Variants in ANKRD27 observed in about 807,000 individuals in gnomAD.
The protein encoded by ANKRD27 is ankyrin repeat domain 27, also known as ankyrin repeat domain-containing protein 27.
In ANKRD27, 112 loss-of-function variants were observed where a neutral mutation model predicts 129.7. The ratio of observed to expected loss-of-function variants is 0.86; its 90% CI spans 0.74 to 1.01. The LOEUF is 1.01. Ranked by LOEUF, ANKRD27 falls within the 50% of genes least tolerant of loss-of-function variation. The pLI, the probability that ANKRD27 is intolerant of heterozygous loss-of-function variation, is 0.00. For synonymous variants in ANKRD27, 516 were observed against 511.2 expected (o/e 1.01, Z -0.13); for missense variants, 1,258 against 1,300.5 (o/e 0.97, Z 0.50).
chr19:32,606,055 AAAAC>A (rs1163375938), intron 23 of ANKRD27, 101 bp from the exon 24 acceptor site: 1 of 1,078,870 alleles, frequency 9.3e-7, no homozygotes, highest in African/African-American at 1.8e-5. Context: ...ATAAAATAAG[AAAAC>A]AAAGTTTCTG....
At chr19:32,655,303 CCTGG>C (rs1967497982) in intron 2 of ANKRD27, 1 of 152,610 alleles carries the variant, frequency 6.6e-6, no homozygotes, top group African/African-American at 2.4e-5. Flanking sequence ...CACCAACATG[CCTGG>C]CAACCTCACT....
chr19:32,607,071 G>C (rs1451627444), intron 23 of ANKRD27, among the ~76,000 whole-genome samples: 1 of 148,384 alleles, frequency 6.7e-6, no homozygotes, highest in East Asian at 2.0e-4. Context: ...GGAGATTGAG[G>C]CTGCAGTGTG....
intron 1 of ANKRD27, among the ~76,000 whole-genome samples, chr19:32,660,513 G>C (rs62124332): frequency 6.6e-6 from 1 of 151,952 alleles, no homozygotes; most frequent in East Asian, 1.9e-4. Context: ...GCGAGACTCC[G>C]TTTCAAAAAA....
At chr19:32,645,100 A>G (rs1384013005) in intron 4 of ANKRD27, among the ~76,000 whole-genome samples, 1 of 152,158 alleles carries the variant, frequency 6.6e-6, no homozygotes, top group Non-Finnish European at 1.5e-5. Context: ...ATTTTCCATG[A>G]TGTTTAACCT....
rs1045189209 is a variant in ANKRD27, at chr19:32,644,354, A to G, written c.496T>C (p.Cys166Arg). ...TGGTGACGGAGGCTCTTTCTCTCGC[A>G]TTCTCGGAATGTTCGATGGAAAGAG... ...IASFHRTFRE[C>R]ERKSLRHHID... Residue 166 changes from cysteine to arginine, a missense_variant, in exon 5 of 29, where the codon TGC (cysteine) becomes CGC (arginine). Transcript: ENST00000306065. The G allele has an allele frequency of 3.7e-6, 6 of 1,613,532 alleles. No homozygotes were observed. In the African/African-American group the frequency reaches 4.0e-5, roughly 11 times the overall value.
chr19:32,624,755 AC>A (rs970085045), intron 17 of ANKRD27, among the ~76,000 whole-genome samples: 12 of 152,256 alleles, frequency 7.9e-5, no homozygotes, highest in Non-Finnish European at 1.6e-4. Flanking sequence ...AGCCTGGGCA[AC>A]ATGGCGAAAC....
Position 32,607,648 on chromosome 19 carries a change from T to C in ANKRD27, c.2360A>G (p.Gln787Arg), listed in dbSNP as rs1971764409. The C allele has an allele frequency of 4.3e-6, 7 of 1,611,340 alleles. No individual in the cohort carries two copies. The highest frequency in any genetic ancestry group is 5.9e-6 in the Non-Finnish European group (7 of 1,179,582). ...QAVPLHLACQQGHFQVVKCLL... is the reference protein window; with the variant it reads ...QAVPLHLACQRGHFQVVKCLL... ...CACAGCCCGAACCTGAAAGTGGCCC[T>C]GCTGGCAGGCCAGGTGGAGCGGGAC... is the stretch of plus-strand genomic sequence containing the variant. The change falls in exon 23 of 29, where the codon CAG (glutamine) becomes CGG (arginine). Residue 787 changes from glutamine (Q) to arginine (R), a missense_variant. Physicochemically the swap from Gln to Arg is conservative, Grantham distance 43. Transcript: ENST00000306065.
At chr19:32,604,005 G>C (rs868618862) in intron 25 of ANKRD27, among the ~76,000 whole-genome samples, 35 of 99,006 alleles carry the variant, frequency 3.5e-4, no homozygotes, top group Admixed American at 2.0e-3. Context: ...TGCTAGCTGA[G>C]GGGGGGGCCC....
intron 1 of ANKRD27, among the ~76,000 whole-genome samples, chr19:32,661,247 A>C (rs430557): frequency 0.41 from 16,672 of 40,534 alleles, 2,784 homozygotes; most frequent in African/African-American, 0.53. Context: ...ACACACACAC[A>C]CACATATACT....
In ANKRD27 at chr19:32,598,387, A is replaced by G; in HGVS notation, c.2920-9T>C. The G allele has an allele frequency of 3.1e-6, 5 of 1,613,956 alleles. No homozygotes were observed. Among genetic ancestry groups the G allele is most frequent in the Non-Finnish European group, 4.2e-6 (5 of 1,179,842 alleles). ...ACACTTTGCCTCCCTGGCTAAAGAA[A>G]AAGTACATTTTTAACCGTTGACGTC... On this transcript the variant is annotated splice_polypyrimidine_tract_variant and intron_variant, in intron 28 of 28. Coordinates refer to ENST00000306065, the MANE Select transcript of ANKRD27 (RefSeq NM_032139.3).
At chr19:32,656,302 T>C (rs1967535806) in intron 2 of ANKRD27, among the ~76,000 whole-genome samples, 2 of 152,054 alleles carry the variant, frequency 1.3e-5, no homozygotes, top group Non-Finnish European at 2.9e-5. Flanking sequence ...TAGACAGTAG[T>C]TTAAAATATC....
intron 9 of ANKRD27, 180 bp downstream of exon 9, chr19:32,642,941 GGC>G: frequency 1.6e-6 from 1 of 628,564 alleles, no homozygotes; most frequent in Non-Finnish European, 2.8e-6. Context: ...GGAGGGGGAC[GGC>G]CACACACAGT....
intron 12 of ANKRD27, among the ~76,000 whole-genome samples, chr19:32,634,962 G>A (rs1051634698): frequency 2.4e-4 from 37 of 152,106 alleles, no homozygotes; most frequent in African/African-American, 8.0e-4. Flanking sequence ...ACACCAGCAC[G>A]AGAGAAGGAA....
chr19:32,598,356 A>T lies in ANKRD27; in HGVS notation c.2942T>A (p.Leu981Gln). ...LHEPGRQSVT[L>Q]RQNNLPAQSG... ...CTGAGCTGGCAGGTTATTCTGTCTCAGTGTGACACTTTGCCTCCCTGGCTA... is the reference window on the plus strand; with the variant it reads ...CTGAGCTGGCAGGTTATTCTGTCTCTGTGTGACACTTTGCCTCCCTGGCTA... Residue 981 changes from leucine to glutamine, a missense_variant, in exon 29 of 29, where the codon CTG becomes CAG. By Grantham distance (113) the Leu-to-Gln change is moderately radical. Coordinates refer to ENST00000306065, the MANE Select transcript of ANKRD27 (RefSeq NM_032139.3). 6.2e-7 allele frequency: 1 copy of T among 1,614,080 alleles called. No homozygotes were observed. The highest frequency in any genetic ancestry group is 1.1e-5 in the South Asian group (1 of 91,088).
At chr19:32,624,549 A>G (rs1568403849) in intron 17 of ANKRD27, among the ~76,000 whole-genome samples, 1 of 152,140 alleles carries the variant, frequency 6.6e-6, no homozygotes, top group African/African-American at 2.4e-5. Flanking sequence ...TCCATATATC[A>G]CTATGGAGAG....
rs1261182355 is a variant in ANKRD27 at position 32,597,483 on chromosome 19, T to A, written c.*662A>T. On this transcript the variant is annotated 3_prime_UTR_variant, in exon 29 of 29. Coordinates refer to ENST00000306065, the MANE Select transcript of ANKRD27 (RefSeq NM_032139.3). ...AATACTGCTACAGGTGCACGTGTAG[T>A]AACCGAATATCTGTACCTACTTGTT... 1 of 153,070 alleles carries A rather than the reference T, an allele frequency of 6.5e-6. No individual in the cohort carries two copies. The highest frequency in any genetic ancestry group is 2.4e-5 in the African/African-American group (1 of 41,466). 9.5% of individuals were successfully genotyped at this position (153,070 alleles called of 1,614,324 possible).
chr19:32,654,659 C>CT (rs5827816), intron 2 of ANKRD27, among the ~76,000 whole-genome samples: 101,732 of 151,674 alleles, frequency 0.67, 34,303 homozygotes, highest in African/African-American at 0.7. Context: ...CTCCCTGATT[C>CT]TTTTTTTCTT....
Position 32,622,505 on chromosome 19 carries a change from C to G in ANKRD27, c.1744G>C (p.Glu582Gln). 7 of 1,613,974 alleles carry G rather than the reference C, an allele frequency of 4.3e-6. No homozygotes were observed. Among genetic ancestry groups the G allele is most frequent in the Non-Finnish European group, 5.9e-6 (7 of 1,180,046 alleles). The change falls in exon 18 of 29, where the codon GAG becomes CAG. Residue 582 changes from glutamate (E) to glutamine (Q), a missense_variant. Glu to Gln is a conservative substitution (Grantham distance 29). Transcript: ENST00000306065. ...GACGCTCCGTTCTGCAGCAATGTCT[C>G]TATGACGCCTTGGTAGCCCCAGCGG... ...AARWGYQGVI[E>Q]TLLQNGASTE... is the part of the protein sequence containing the mutation.
At chr19:32,674,344 A>G (rs1967935832) in intron 1 of ANKRD27, among the ~76,000 whole-genome samples, 1 of 152,064 alleles carries the variant, frequency 6.6e-6, no homozygotes, top group African/African-American at 2.4e-5. Flanking sequence ...CGTTCCCTGC[A>G]TGCTCTAAAT....
Sources: gnomAD v4.1 joint callset for allele counts (sites outside exome capture counted in the v4.1 genomes callset) on GRCh38, gnomAD v4.1.1 for gene constraint, MANE v1.5 for transcripts, NCBI Gene and HGNC (gene_info 2026-07-23, HGNC 2026-07-21) for gene names.